Variants in XKR4 observed in about 807,000 individuals in gnomAD.
The protein encoded by XKR4 is XK-related protein 4.
A neutral mutation model predicts 53.9 loss-of-function variants in XKR4; 12 were observed. The observed-to-expected ratio is 0.22, with a 90% CI of 0.14 to 0.36. XKR4 has a LOEUF of 0.36. XKR4 is among the 10% of genes least tolerant of loss of function. The pLI is 1.00. For missense variants in XKR4, 799 were observed against 859.5 expected (o/e 0.93, Z 0.88); for synonymous variants, 354 against 362.4 (o/e 0.98, Z 0.26).
chr8:55,462,305 G>T (rs955630758), intron 2 of XKR4, among the ~76,000 whole-genome samples: 2 of 152,228 alleles, frequency 1.3e-5, no homozygotes, highest in South Asian at 2.1e-4. Flanking sequence ...CCAGAAGAGA[G>T]TGGGGGCCAA....
chr8:55,241,816 A>C (rs1348822696), intron 1 of XKR4, among the ~76,000 whole-genome samples: 1 of 152,198 alleles, frequency 6.6e-6, no homozygotes, highest in East Asian at 1.9e-4. Context: ...AACATCTAAC[A>C]GGTAGTGATA....
At chr8:55,520,824 A>C (rs968317882) in intron 2 of XKR4, 1 of 152,432 alleles carries the variant, frequency 6.6e-6, no homozygotes, top group Non-Finnish European at 1.5e-5. Flanking sequence ...ACGCAATAAA[A>C]GGGGTAGAGA....
intron 2 of XKR4, among the ~76,000 whole-genome samples, chr8:55,358,133 G>A (rs139615324): frequency 1.3e-5 from 2 of 152,122 alleles, no homozygotes; most frequent in Non-Finnish European, 2.9e-5. Context: ...TTTTACACTT[G>A]GTCGATGTGG....
intron 2 of XKR4, among the ~76,000 whole-genome samples, chr8:55,519,336 T>C (rs934030502): frequency 1.3e-5 from 2 of 152,210 alleles, no homozygotes; most frequent in Admixed American, 1.3e-4. Context: ...CATTATATAT[T>C]TTTTCCTGGG....
chr8:55,485,428 A>G (rs1806177289), intron 2 of XKR4, among the ~76,000 whole-genome samples: 1 of 152,270 alleles, frequency 6.6e-6, no homozygotes, highest in Admixed American at 6.5e-5. Flanking sequence ...AATATAAGAT[A>G]AACATAGAAA....
intron 1 of XKR4, among the ~76,000 whole-genome samples, chr8:55,279,515 A>G (rs16921539): frequency 0.13 from 20,345 of 152,164 alleles, 1,573 homozygotes; most frequent in Non-Finnish European, 0.18. Flanking sequence ...CCTCTCCTCT[A>G]TTTTGTTATA....
chr8:55,439,310 C>A (rs935629389), intron 2 of XKR4, among the ~76,000 whole-genome samples: 5 of 152,116 alleles, frequency 3.3e-5, no homozygotes, highest in Admixed American at 2.6e-4. Context: ...TATAAAGTCC[C>A]AAAGAAGATG....
In XKR4 at chr8:55,315,475, G is replaced by A. The variant is rs10094399; in HGVS notation, c.807-42203G>A. Among the ~76,000 whole-genome samples the A allele has an allele frequency of 5.1e-3, 769 of 152,234 alleles. 6 individuals carry two copies. The highest frequency in any genetic ancestry group is 0.018 in the African/African-American group (732 of 41,540). ...AGAGGGCTGTTGCTGGCACTCCCAC[G>A]CTGAGGCTGTGCCATTCCCAGGAGA... On this transcript the variant is annotated intron_variant, in intron 1 of 2. Coordinates refer to ENST00000327381, the MANE Select transcript of XKR4 (RefSeq NM_052898.2).
intron 2 of XKR4, among the ~76,000 whole-genome samples, chr8:55,522,058 TA>T (rs1806805314): frequency 6.6e-6 from 1 of 152,216 alleles, no homozygotes; most frequent in Non-Finnish European, 1.5e-5. Flanking sequence ...CAGATTGGCA[TA>T]CCATTTCTGT....
intron 2 of XKR4, among the ~76,000 whole-genome samples, chr8:55,506,044 T>C (rs1806521471): frequency 6.6e-6 from 1 of 152,268 alleles, no homozygotes; most frequent in African/African-American, 2.4e-5. Context: ...CTTTAACTTC[T>C]AACTGGCAGT....
At chr8:55,456,728 A>G (rs1227896740) in intron 2 of XKR4, among the ~76,000 whole-genome samples, 1 of 152,214 alleles carries the variant, frequency 6.6e-6, no homozygotes, top group Non-Finnish European at 1.5e-5. Flanking sequence ...AAATATCTCA[A>G]TCTGAAAAGT....
chr8:55,246,500 C>T (rs1212906901), intron 1 of XKR4, among the ~76,000 whole-genome samples: 1 of 152,156 alleles, frequency 6.6e-6, no homozygotes, highest in African/African-American at 2.4e-5. Flanking sequence ...ACTGATCAGC[C>T]ATGTCAGCCG....
chr8:55,153,977 T>C (rs1408557677), intron 1 of XKR4, among the ~76,000 whole-genome samples: 3 of 152,202 alleles, frequency 2.0e-5, no homozygotes, highest in East Asian at 3.8e-4. Context: ...AGTAAACACA[T>C]TGATAAACTC....
At chr8:55,212,470 G>T (rs1463165180) in intron 1 of XKR4, among the ~76,000 whole-genome samples, 1 of 152,164 alleles carries the variant, frequency 6.6e-6, no homozygotes, top group African/African-American at 2.4e-5. Context: ...GTCTTAAGGT[G>T]TCTGTGTTAA....
At chr8:55,291,576 T>C (rs1819020737) in intron 1 of XKR4, among the ~76,000 whole-genome samples, 1 of 152,212 alleles carries the variant, frequency 6.6e-6, no homozygotes, top group South Asian at 2.1e-4. Flanking sequence ...TTTTGTACAT[T>C]GTATTAGGTT....
chr8:55,322,942 G>A (rs1001801214), intron 1 of XKR4, among the ~76,000 whole-genome samples: 12 of 152,250 alleles, frequency 7.9e-5, no homozygotes, highest in African/African-American at 2.9e-4. Flanking sequence ...TTGAATAAAT[G>A]TTGTAAAAAT....
chr8:55,375,140 G>A (rs1201754071), intron 2 of XKR4, among the ~76,000 whole-genome samples: 1 of 152,220 alleles, frequency 6.6e-6, no homozygotes, highest in African/African-American at 2.4e-5. Flanking sequence ...CACAGCGTGT[G>A]GCCTTGAGTG....
intron 1 of XKR4, among the ~76,000 whole-genome samples, chr8:55,168,312 C>T (rs1171552926): frequency 2.0e-5 from 3 of 152,194 alleles, no homozygotes; most frequent in Admixed American, 6.5e-5. Context: ...TCATCAAAAA[C>T]GTAGAGGACA....
chr8:55,298,963 C>A (rs1420365213), intron 1 of XKR4, among the ~76,000 whole-genome samples: 1 of 152,096 alleles, frequency 6.6e-6, no homozygotes, highest in Non-Finnish European at 1.5e-5. Flanking sequence ...TCAGGGCATT[C>A]GCACTGACAC....
Sources: allele counts gnomAD v4.1 joint callset (sites outside exome capture counted in the v4.1 genomes callset), GRCh38; gene constraint gnomAD v4.1.1; transcripts MANE v1.5; gene names NCBI Gene and HGNC (gene_info 2026-07-23, HGNC 2026-07-21).